Variants in DOK7 observed in about 807,000 individuals in gnomAD.
DOK7 encodes the protein docking protein 7, also known as protein Dok-7.
A neutral mutation model predicts 30.7 loss-of-function variants in DOK7; 32 were observed. The ratio of observed to expected loss-of-function variants is 1.04; its 90% CI spans 0.79 to 1.40. The LOEUF (loss-of-function observed/expected upper bound fraction) is 1.40, where lower values mean the gene tolerates loss of function less well. Ranked by LOEUF, DOK7 falls within the 40% of genes most tolerant of loss-of-function variation. The pLI is 0.00. For missense variants in DOK7, 1,007 were observed against 699.2 expected, an observed-to-expected ratio of 1.44 and a Z score of -4.97; for synonymous variants, 447 against 324.1, an observed-to-expected ratio of 1.38 and a Z score of -4.07.
chr4:3,463,878 C>T (rs1391762451), intron 2 of DOK7, among the ~76,000 whole-genome samples: 1 of 152,178 alleles, frequency 6.6e-6, no homozygotes, highest in Non-Finnish European at 1.5e-5. Context: ...GAGGGTTGAG[C>T]TGTGCTTGTG....
chr4:3,498,860 C>T (rs1039571632), downstream of DOK7, among the ~76,000 whole-genome samples: 1 of 152,236 alleles, frequency 6.6e-6, no homozygotes, highest in Non-Finnish European at 1.5e-5. Flanking sequence ...AGGGTTGGGG[C>T]AGAATTGTGT....
chr4:3,468,647 T>C (rs1172937416), intron 2 of DOK7, among the ~76,000 whole-genome samples: 10 of 140,082 alleles, frequency 7.1e-5, no homozygotes, highest in African/African-American at 2.5e-4. Context: ...CCTGTGTGTG[T>C]GCATGTATGA....
In DOK7 at chr4:3,493,411, G is replaced by T. The variant is rs777626370; in HGVS notation, c.1425G>T (p.Trp475Cys). 406 of 1,598,000 alleles carry T rather than the reference G, an allele frequency of 2.5e-4. 2 individuals carry two copies. The Middle Eastern group carries it at 5.1e-3, about 20-fold the overall frequency. The change falls in exon 7 of 7, where the codon TGG (tryptophan) becomes TGT (cysteine). Residue 475 changes from tryptophan to cysteine, a missense_variant. By Grantham distance (215) the Trp-to-Cys change is radical. Transcript: ENST00000340083. ...TLPGPAPGEPWEAGGPHAGPP... is the reference protein window; with the variant it reads ...TLPGPAPGEPCEAGGPHAGPP... Reference sequence around the variant, plus strand: ...CTGGCCCTGCCCCTGGCGAGCCCTGGGAAGCAGGCGGCCCCCACGCGGGGC... The same window carrying T: ...CTGGCCCTGCCCCTGGCGAGCCCTGTGAAGCAGGCGGCCCCCACGCGGGGC...
At chr4:3,492,142 G>C (rs1476132314) in intron 6 of DOK7, among the ~76,000 whole-genome samples, 1 of 152,216 alleles carries the variant, frequency 6.6e-6, no homozygotes, top group South Asian at 2.1e-4. Context: ...CCAAGAGCAC[G>C]GGAGGGGCCT....
intron 6 of DOK7, chr4:3,500,176 C>A: frequency 8.0e-6 from 12 of 1,493,358 alleles, no homozygotes; most frequent in Non-Finnish European, 1.1e-5. Flanking sequence ...GGGTGGGCAG[C>A]TCTTTACTGC....
At chr4:3,500,655 G>C in intron 7 of DOK7, 1 of 1,535,632 alleles carries the variant, frequency 6.5e-7, no homozygotes. Context: ...TGGGTGGCTC[G>C]GGGCGCAGGC....
chr4:3,494,610 C>A, downstream of DOK7: 1 of 827,786 alleles, frequency 1.2e-6, no homozygotes, highest in East Asian at 1.3e-4. Context: ...GTGCGAGAGG[C>A]CTCATCTGTC....
At position 3,500,485 on chromosome 4, in the gene DOK7, C is replaced by T. The variant is rs62272698; in HGVS notation, c.1261+82C>T. ...AGGGCCCTGAGCCCCCAGCCCCACC[C>T]AGCAGCCCTTGGCCAGGGAGCTTTT... is the stretch of plus-strand genomic sequence containing the variant. On this transcript the variant is annotated intron_variant, in intron 7 of 7. Transcript: ENST00000643608. 0.13 allele frequency: 188,839 copies of T among 1,507,270 alleles called. 12,553 individuals are homozygous for T. The highest frequency in any genetic ancestry group is 0.16 in the Middle Eastern group (780 of 4,730). The allele number at this position is 1,507,270 out of a possible 1,614,324, so 93.4% of individuals were successfully genotyped here.
chr4:3,491,703 T>A (rs1466000301), intron 6 of DOK7, among the ~76,000 whole-genome samples: 1 of 152,256 alleles, frequency 6.6e-6, no homozygotes, highest in African/African-American at 2.4e-5. Context: ...ATGTTGGTTT[T>A]ACCTTCTGTG....
intron 2 of DOK7, among the ~76,000 whole-genome samples, chr4:3,468,800 G>T (rs1392165084): frequency 2.9e-5 from 4 of 138,324 alleles, no homozygotes; most frequent in African/African-American, 6.6e-5. Flanking sequence ...ATGTATGTCT[G>T]TGTGTGCCTG....
chr4:3,488,721 T>A (rs1431425645), intron 5 of DOK7, among the ~76,000 whole-genome samples: 1 of 151,450 alleles, frequency 6.6e-6, no homozygotes, highest in Admixed American at 6.6e-5. Context: ...TGTCAGGAGG[T>A]GTGTTCTGGA....
intron 2 of DOK7, among the ~76,000 whole-genome samples, chr4:3,469,145 GTC>G (rs1419165372): frequency 2.6e-5 from 4 of 151,038 alleles, no homozygotes; most frequent in Non-Finnish European, 5.9e-5. Flanking sequence ...GCGTGTATGT[GTC>G]TGTGTATGAG....
rs376334067 is a variant in DOK7 at position 3,492,942 on chromosome 4, C to T, written c.956C>T (p.Pro319Leu). The part of the protein sequence containing the change: ...EAMVGASRPP[P>L]KPLRPRQLQE... ...ATGGTGGGTGCCTCAAGGCCACCCC[C>T]CAAGCCGCTGCGTCCGCGGCAGCTG... is the stretch of plus-strand genomic sequence containing the variant. Residue 319 changes from proline to leucine, a missense_variant, in exon 7 of 7, where the codon CCC (proline) becomes CTC (leucine). Physicochemically the swap from Pro to Leu is moderately conservative, Grantham distance 98 (BLOSUM62 -3). Transcript: ENST00000340083. The T allele has an allele frequency of 1.9e-6, 3 of 1,556,442 alleles. No individual in the cohort carries two copies. The highest frequency in any genetic ancestry group is 2.6e-6 in the Non-Finnish European group (3 of 1,153,736).
At chr4:3,495,393 T>C (rs368777841), downstream of DOK7, among the ~76,000 whole-genome samples, 62 of 152,258 alleles carry the variant, frequency 4.1e-4, 1 homozygote, top group East Asian at 0.01. Context: ...GGGGGCAAGG[T>C]CCCTCTGATG....
chr4:3,489,192 C>T (rs1024035451), intron 5 of DOK7, among the ~76,000 whole-genome samples: 1 of 152,122 alleles, frequency 6.6e-6, no homozygotes, highest in Non-Finnish European at 1.5e-5. Context: ...TATGAGTCTC[C>T]ATCCGAGACC....
At chr4:3,466,280 C>T (rs1397466971) in intron 2 of DOK7, among the ~76,000 whole-genome samples, 6 of 152,198 alleles carry the variant, frequency 3.9e-5, no homozygotes, top group Non-Finnish European at 8.8e-5. Flanking sequence ...TCTCCCCTAT[C>T]CTTGCTCTCG....
intron 4 of DOK7, among the ~76,000 whole-genome samples, chr4:3,483,540 G>A (rs1247449519): frequency 6.6e-6 from 1 of 152,228 alleles, no homozygotes; most frequent in Non-Finnish European, 1.5e-5. Flanking sequence ...GGAGCCCGAG[G>A]CTGGCGGTGG....
At position 3,477,381 on chromosome 4, in the gene DOK7, G is replaced by T. The variant is rs149291190; in HGVS notation, c.532+839G>T. ...GAGGGACTGCACTTGGCTCACACTG[G>T]TGGGGGCTCTGGTGGAGCCTGGATG... On this transcript the variant is annotated intron_variant, in intron 4 of 6. Transcript: ENST00000340083. Among the ~76,000 whole-genome samples, 94 of 152,364 alleles carry T rather than the reference G, an allele frequency of 6.2e-4. No homozygotes were observed. In the East Asian group the frequency reaches 0.016, roughly 27 times the overall value.
In DOK7 at chr4:3,493,297, G is replaced by T; in HGVS notation, c.1311G>T (p.Gln437His). The T allele has an allele frequency of 6.2e-7, 1 of 1,607,374 alleles. No individual in the cohort carries two copies. The highest frequency in any genetic ancestry group is 8.5e-7 in the Non-Finnish European group (1 of 1,177,424). ...GNSAARDSGG[Q>H]TSAGCPSGWL... ...GTGCGGCCAGGGACTCAGGCGGCCA[G>T]ACGTCCGCCGGGTGTCCCTCTGGCT... Residue 437 changes from glutamine (Q) to histidine (H), a missense_variant, in exon 7 of 7, where the codon CAG (glutamine) becomes CAT (histidine). Transcript: ENST00000340083.
Sources: allele counts gnomAD v4.1 joint callset (sites outside exome capture counted in the v4.1 genomes callset), GRCh38; gene constraint gnomAD v4.1.1; transcripts MANE v1.5; gene names NCBI Gene and HGNC (gene_info 2026-07-23, HGNC 2026-07-21).